The following AGBL1 variants were observed in gnomAD, a reference collection of about 807,000 sequenced individuals.
AGBL1 encodes AGBL carboxypeptidase 1.
AGBL1 carries 130 observed loss-of-function variants against 118.9 expected under a neutral mutation model. The ratio of observed to expected loss-of-function variants is 1.09; its 90% CI spans 0.95 to 1.26. The LOEUF is 1.26. AGBL1 is among the 50% of genes most tolerant of loss of function. AGBL1 has a pLI of 0.00. For missense variants in AGBL1, 1,584 were observed against 1,298.1 expected (o/e 1.22, Z -3.38); for synonymous variants, 555 against 478.9 (o/e 1.16, Z -2.08).
At chr15:86,347,148 G>A (rs1379171204) in intron 17 of AGBL1, among the ~76,000 whole-genome samples, 1 of 152,168 alleles carries the variant, frequency 6.6e-6, no homozygotes, top group Admixed American at 6.5e-5. Flanking sequence ...TTTCATCTAG[G>A]CAAAGTAAGA....
intron 24 of AGBL1, among the ~76,000 whole-genome samples, chr15:87,023,920 A>T (rs138723254): frequency 1.3e-5 from 2 of 152,108 alleles, no homozygotes; most frequent in Non-Finnish European, 2.9e-5. Context: ...GAAAATTAAA[A>T]AATTCTTTGA....
chr15:86,929,406 G>A (rs1260550028), intron 23 of AGBL1, among the ~76,000 whole-genome samples: 1 of 152,128 alleles, frequency 6.6e-6, no homozygotes, highest in African/African-American at 2.4e-5. Flanking sequence ...TACACAAAAT[G>A]GGATAGCTAC....
At chr15:86,548,798 C>A (rs1290918964) in intron 20 of AGBL1, among the ~76,000 whole-genome samples, 2 of 151,936 alleles carry the variant, frequency 1.3e-5, no homozygotes, top group African/African-American at 2.4e-5. Context: ...TCTTGCATTG[C>A]TGAGACTGGA....
chr15:86,955,503 T>C (rs1206260041), intron 23 of AGBL1, among the ~76,000 whole-genome samples: 1 of 151,978 alleles, frequency 6.6e-6, no homozygotes, highest in Non-Finnish European at 1.5e-5. Flanking sequence ...GATGAACATG[T>C]AATCAAAAAT....
intron 22 of AGBL1, among the ~76,000 whole-genome samples, chr15:86,698,443 C>T (rs1465527385): frequency 6.6e-6 from 1 of 152,000 alleles, no homozygotes; most frequent in Non-Finnish European, 1.5e-5. Context: ...ACTTCAATTT[C>T]CACGTTCTTT....
Position 86,497,691 on chromosome 15 carries a change from C to T in AGBL1, c.2556-25119C>T, listed in dbSNP as rs756558784. ...GTCATATAACCTGGAGTATGGGACT[C>T]GGGATCTGATTGTTCCTAATGCAGA... On this transcript the variant is annotated intron_variant, in intron 18 of 22. Coordinates refer to ENST00000614907, the MANE Select transcript of AGBL1 (RefSeq NM_001386094.1). 9.2e-5 allele frequency among the ~76,000 whole-genome samples: 14 copies of T among 151,796 alleles called. 1 individual carries two copies. Among genetic ancestry groups the T allele is most frequent in the East Asian group, 1.9e-4 (1 of 5,136 alleles).
intron 22 of AGBL1, among the ~76,000 whole-genome samples, chr15:86,705,387 A>G (rs865803276): frequency 6.6e-6 from 1 of 152,178 alleles, no homozygotes; most frequent in Non-Finnish European, 1.5e-5. Context: ...GGACTAAAAC[A>G]TATTCCATGA....
chr15:86,556,832 C>T (rs1349774045), intron 21 of AGBL1, among the ~76,000 whole-genome samples: 1 of 152,140 alleles, frequency 6.6e-6, no homozygotes, highest in Non-Finnish European at 1.5e-5. Context: ...GCATTCTTTC[C>T]TTCCTTCATA....
chr15:86,393,490 A>G (rs1016279344), intron 17 of AGBL1, among the ~76,000 whole-genome samples: 11 of 152,174 alleles, frequency 7.2e-5, no homozygotes, highest in Admixed American at 7.2e-4. Flanking sequence ...GAATTATAGA[A>G]CCGAAAATAG....
chr15:86,159,384 G>T (rs1252362300), intron 5 of AGBL1, among the ~76,000 whole-genome samples: 2 of 151,994 alleles, frequency 1.3e-5, no homozygotes, highest in Non-Finnish European at 2.9e-5. Flanking sequence ...AAGCCCTCAG[G>T]TATATACTTT....
downstream of AGBL1, among the ~76,000 whole-genome samples, chr15:87,029,670 T>G (rs1045531282): frequency 5.3e-5 from 8 of 151,960 alleles, no homozygotes; most frequent in Non-Finnish European, 8.8e-5. Flanking sequence ...GTCAAAGAGA[T>G]AGTCTGTAGG....
At chr15:86,919,638 A>G (rs538213601), downstream of AGBL1, among the ~76,000 whole-genome samples, 1 of 152,064 alleles carries the variant, frequency 6.6e-6, no homozygotes, top group African/African-American at 2.4e-5. Flanking sequence ...AAAAACTCTT[A>G]TATGAATGAA....
chr15:86,476,418 A>G (rs1301718105), intron 18 of AGBL1, among the ~76,000 whole-genome samples: 1 of 152,228 alleles, frequency 6.6e-6, no homozygotes, highest in Non-Finnish European at 1.5e-5. Context: ...AAAAAAAGGC[A>G]GGGGTTGCAA....
chr15:86,658,971 C>T (rs576685208), intron 21 of AGBL1, among the ~76,000 whole-genome samples: 9 of 152,226 alleles, frequency 5.9e-5, no homozygotes, highest in East Asian at 5.8e-4. Flanking sequence ...CCTTCATTTA[C>T]GCAGAACATG....
chr15:86,311,535 G>T (rs967649426), intron 17 of AGBL1, among the ~76,000 whole-genome samples: 1 of 152,060 alleles, frequency 6.6e-6, no homozygotes. Context: ...AAGAATTTTA[G>T]TGAAGAAATA....
chr15:87,005,032 G>C (rs2081483790), intron 24 of AGBL1, among the ~76,000 whole-genome samples: 1 of 152,168 alleles, frequency 6.6e-6, no homozygotes, highest in African/African-American at 2.4e-5. Flanking sequence ...CTCTGTTCTG[G>C]CTTGTAGAGT....
At chr15:86,656,516 G>A (rs1301854326) in intron 21 of AGBL1, among the ~76,000 whole-genome samples, 7 of 152,156 alleles carry the variant, frequency 4.6e-5, no homozygotes, top group Non-Finnish European at 1.0e-4. Context: ...ATTCTTTGAA[G>A]GGAATGTCTA....
At chr15:86,252,646 C>T (rs1462689200) in intron 7 of AGBL1, among the ~76,000 whole-genome samples, 1 of 152,096 alleles carries the variant, frequency 6.6e-6, no homozygotes, top group Non-Finnish European at 1.5e-5. Flanking sequence ...CATGAAGGCA[C>T]CCACATTTGA....
At chr15:86,833,109 A>G (rs552531722) in intron 22 of AGBL1, among the ~76,000 whole-genome samples, 8 of 152,226 alleles carry the variant, frequency 5.3e-5, no homozygotes, top group Non-Finnish European at 1.0e-4. Context: ...ACCCGCCCCC[A>G]TGATTCAATT....
Sources: allele counts gnomAD v4.1 joint callset (sites outside exome capture counted in the v4.1 genomes callset), GRCh38; gene constraint gnomAD v4.1.1; transcripts MANE v1.5; gene names NCBI Gene and HGNC (gene_info 2026-07-23, HGNC 2026-07-21).